C8orf34: variants seen among roughly 807,000 people sequenced by gnomAD.
C8orf34 encodes the protein chromosome 8 open reading frame 34, also known as uncharacterized protein C8orf34.
In C8orf34, 65 loss-of-function variants were observed where a neutral mutation model predicts 68.3. The observed-to-expected ratio is 0.95, with a 90% CI of 0.78 to 1.17. C8orf34 has a LOEUF of 1.17. Ranked by LOEUF, C8orf34 falls within the 50% of genes most tolerant of loss-of-function variation. C8orf34 has a pLI of 0.00. For synonymous variants in C8orf34, 244 were observed against 241.2 expected (o/e 1.01, Z -0.11); for missense variants, 664 against 655.4 (o/e 1.01, Z -0.14).
At chr8:68,803,191 TAAGA>T (rs1370009113) in intron 12 of C8orf34, among the ~76,000 whole-genome samples, 1 of 152,066 alleles carries the variant, frequency 6.6e-6, no homozygotes, top group Non-Finnish European at 1.5e-5. Flanking sequence ...AGAAGAATTA[TAAGA>T]AAGAAAAACT....
At chr8:68,610,368 T>G (rs367765760) in intron 7 of C8orf34, among the ~76,000 whole-genome samples, 20 of 152,110 alleles carry the variant, frequency 1.3e-4, no homozygotes, top group African/African-American at 4.8e-4. Flanking sequence ...ATATAAACAG[T>G]GGTTATATTA....
intron 3 of C8orf34, among the ~76,000 whole-genome samples, chr8:68,459,633 T>A (rs1048796312): frequency 6.6e-6 from 1 of 152,204 alleles, no homozygotes; most frequent in Non-Finnish European, 1.5e-5. Flanking sequence ...AGAACCACTA[T>A]TGAATCCAGC....
intron 7 of C8orf34, among the ~76,000 whole-genome samples, chr8:68,600,169 C>T (rs758949340): frequency 7.5e-4 from 114 of 152,192 alleles, no homozygotes; most frequent in Admixed American, 1.5e-3. Flanking sequence ...CTAGGTATTA[C>T]AATATACATA....
chr8:68,567,577 CTTTTTTTTTTTTTTTTTTTTTT>C (rs1160845483), intron 7 of C8orf34, among the ~76,000 whole-genome samples: 1 of 29,780 alleles, frequency 3.4e-5, no homozygotes, highest in Non-Finnish European at 6.0e-5. Flanking sequence ...TTTCATTTAT[CTTTTTTTTTTTTTTTTTTTTTT>C]TTTTTTTTTT....
At chr8:68,787,798 T>G (rs558062840) in intron 12 of C8orf34, among the ~76,000 whole-genome samples, 51 of 152,316 alleles carry the variant, frequency 3.3e-4, no homozygotes, top group African/African-American at 1.2e-3. Context: ...GACTGTCTAG[T>G]TGGAATATGA....
intron 8 of C8orf34, among the ~76,000 whole-genome samples, chr8:68,680,364 G>C (rs1311023555): frequency 2.6e-5 from 4 of 152,118 alleles, no homozygotes; most frequent in Non-Finnish European, 5.9e-5. Flanking sequence ...TTTCAATGTA[G>C]GTTCTTTCTA....
At chr8:68,769,829 G>T (rs540924874) in intron 10 of C8orf34, among the ~76,000 whole-genome samples, 2 of 152,118 alleles carry the variant, frequency 1.3e-5, no homozygotes, top group Non-Finnish European at 2.9e-5. Flanking sequence ...AACAATTTTT[G>T]CCCTCTAACA....
intron 8 of C8orf34, among the ~76,000 whole-genome samples, chr8:68,697,088 G>T (rs1472427037): frequency 6.6e-6 from 1 of 151,728 alleles, no homozygotes; most frequent in East Asian, 1.9e-4. Context: ...TGACTATATG[G>T]TAGATTTTTG....
Position 68,439,666 on chromosome 8 carries a change from G to A in C8orf34, c.475+20G>A, listed in dbSNP as rs776597661. The A allele has an allele frequency of 3.3e-5, 53 of 1,594,738 alleles. No individual in the cohort carries two copies. In the South Asian group the frequency reaches 5.0e-4, roughly 15 times the overall value. ...AATCAGGTAAATGAAGAATGTCTATGCAGTTAATTTGGGATTCATTTAATG... is the reference window on the plus strand; with the variant it reads ...AATCAGGTAAATGAAGAATGTCTATACAGTTAATTTGGGATTCATTTAATG... On this transcript the variant is annotated intron_variant, in intron 2 of 13. Coordinates refer to ENST00000518698, the MANE Select transcript of C8orf34 (RefSeq NM_052958.4).
intron 4 of C8orf34, among the ~76,000 whole-genome samples, chr8:68,482,293 T>G (rs1812892711): frequency 6.6e-6 from 1 of 152,170 alleles, no homozygotes; most frequent in Non-Finnish European, 1.5e-5. Context: ...TTAAACCTCT[T>G]TTTGTTCCCA....
chr8:68,630,354 A>T (rs1428904195), intron 7 of C8orf34, among the ~76,000 whole-genome samples: 1 of 152,078 alleles, frequency 6.6e-6, no homozygotes, highest in African/African-American at 2.4e-5. Flanking sequence ...GCATTATTTT[A>T]TTTGTATTAT....
intron 1 of C8orf34, among the ~76,000 whole-genome samples, chr8:68,432,590 T>G (rs538850206): frequency 1.1e-4 from 16 of 152,254 alleles, no homozygotes; most frequent in African/African-American, 3.6e-4. Flanking sequence ...AAAAGACTGA[T>G]ATTTTAAATC....
intron 3 of C8orf34, among the ~76,000 whole-genome samples, chr8:68,463,386 T>G (rs201254590): frequency 0.61 from 87,513 of 142,552 alleles, 25,532 homozygotes; most frequent in African/African-American, 0.67. Flanking sequence ...GTACCATTCC[T>G]TCTGAAACTA....
At chr8:68,644,955 A>C (rs1305386990) in intron 8 of C8orf34, among the ~76,000 whole-genome samples, 1 of 152,214 alleles carries the variant, frequency 6.6e-6, no homozygotes, top group Non-Finnish European at 1.5e-5. Flanking sequence ...AAAACCATAC[A>C]TTGGATTTTA....
chr8:68,528,996 T>G (rs761149229), intron 6 of C8orf34, among the ~76,000 whole-genome samples: 38 of 152,208 alleles, frequency 2.5e-4, no homozygotes, highest in Non-Finnish European at 5.0e-4. Flanking sequence ...GTCCTTACTC[T>G]AAATCACCCA....
chr8:68,663,681 CT>C (rs1185232375), intron 8 of C8orf34, among the ~76,000 whole-genome samples: 1 of 152,136 alleles, frequency 6.6e-6, no homozygotes, highest in African/African-American at 2.4e-5. Flanking sequence ...TCACAAGTGC[CT>C]TGTGAGAGCA....
intron 5 of C8orf34, among the ~76,000 whole-genome samples, chr8:68,489,580 CAA>C (rs1479494954): frequency 2.6e-5 from 4 of 152,098 alleles, no homozygotes; most frequent in African/African-American, 9.7e-5. Flanking sequence ...GTGCATGAAA[CAA>C]AGTCTTGACT....
At chr8:68,608,842 A>G (rs1300187101) in intron 7 of C8orf34, among the ~76,000 whole-genome samples, 3 of 152,216 alleles carry the variant, frequency 2.0e-5, no homozygotes, top group African/African-American at 4.8e-5. Context: ...CAAAATGTTA[A>G]TAGTACGGAT....
At chr8:68,474,532 A>C (rs1013488086) in intron 4 of C8orf34, among the ~76,000 whole-genome samples, 5 of 152,162 alleles carry the variant, frequency 3.3e-5, no homozygotes, top group African/African-American at 1.2e-4. Context: ...GTTAGAAAAA[A>C]AAAGAGGACA....
Sources: allele counts gnomAD v4.1 joint callset (sites outside exome capture counted in the v4.1 genomes callset), GRCh38; gene constraint gnomAD v4.1.1; transcripts MANE v1.5; gene names NCBI Gene and HGNC (gene_info 2026-07-23, HGNC 2026-07-21).